The following PADI4 variants were observed in gnomAD, a reference collection of about 807,000 sequenced individuals.
PADI4 encodes the protein protein-arginine deiminase type-4.
In PADI4, 62 loss-of-function variants were observed where a neutral mutation model predicts 75.0. That is an observed-to-expected ratio of 0.83 (90% CI 0.67 to 1.02). The LOEUF is 1.02. PADI4 is among the 50% of genes least tolerant of loss of function. The pLI is 0.00. For missense variants in PADI4, 845 were observed against 850.5 expected (o/e 0.99, Z 0.08); for synonymous variants, 361 against 348.1 (o/e 1.04, Z -0.41).
At chr1:17,355,899 AC>A in intron 11 of PADI4, 83 bp from the exon 12 acceptor site, 2 of 1,415,856 alleles carry the variant, frequency 1.4e-6, no homozygotes, top group Non-Finnish European at 2.0e-6. Flanking sequence ...GAGAACCCTG[AC>A]CTTTTTGCCA....
Position 17,337,925 on chromosome 1 carries a change from A to G in PADI4, c.409-113A>G. ...GGAGACTCCGTCTCAAAAAAATAAT[A>G]AATAAATAAATAAATTTTAAAAAAG... On this transcript the variant is annotated intron_variant, in intron 4 of 15. Coordinates refer to ENST00000375448, the MANE Select transcript of PADI4 (RefSeq NM_012387.3). 3 of 440,920 alleles carry G rather than the reference A, an allele frequency of 6.8e-6. 1 individual carries two copies. In the South Asian group the frequency reaches 1.1e-4, roughly 17 times the overall value. 27.3% of individuals were successfully genotyped at this position (440,920 alleles called of 1,614,324 possible). A position where few individuals can be genotyped will look rare whatever the true frequency, so the allele number is the denominator to read the frequency against.
At chr1:17,312,880 T>G (rs544992457) in intron 1 of PADI4, among the ~76,000 whole-genome samples, 2 of 151,760 alleles carry the variant, frequency 1.3e-5, no homozygotes, top group South Asian at 4.2e-4. Flanking sequence ...TTTTTAATCT[T>G]TGTAGCTATC....
At chr1:17,352,790 A>G (rs893512883) in intron 10 of PADI4, among the ~76,000 whole-genome samples, 7 of 152,182 alleles carry the variant, frequency 4.6e-5, no homozygotes, top group African/African-American at 1.4e-4. Flanking sequence ...CAACATCCAA[A>G]TGGGAAGTCA....
chr1:17,315,175 G>C (rs1017948091), intron 1 of PADI4, among the ~76,000 whole-genome samples: 10 of 152,164 alleles, frequency 6.6e-5, no homozygotes, highest in Non-Finnish European at 1.5e-5. Context: ...GGGAACCCCA[G>C]ATTTTCCACC....
chr1:17,363,587 C>T lies in PADI4; in HGVS notation c.1824C>T (p.Gly608=), dbSNP rs750826769. The T allele has an allele frequency of 6.2e-7, 1 of 1,614,132 alleles. No individual in the cohort carries two copies. The highest frequency in any genetic ancestry group is 8.5e-7 in the Non-Finnish European group (1 of 1,179,980). Residue 608 remains glycine (G), a synonymous_variant, in exon 16 of 16, where the codon GGC becomes GGT. Coordinates refer to ENST00000375448, the MANE Select transcript of PADI4 (RefSeq NM_012387.3). The part of the protein sequence containing the change: ...IPKPFGPVIN[G]RCCLEEKVCS... ...AGCCCTTCGGGCCCGTCATCAACGG[C>T]CGCTGCTGCCTGGAGGAGAAGGTGT... is the stretch of plus-strand genomic sequence containing the variant.
At chr1:17,348,743 C>CA (rs2074566237) in intron 10 of PADI4, 1 of 152,160 alleles carries the variant, frequency 6.6e-6, no homozygotes, top group African/African-American at 2.4e-5. Flanking sequence ...AACTGAGGCT[C>CA]AGAGTGGAGA....
chr1:17,351,737 T>C (rs1480898820), intron 10 of PADI4, among the ~76,000 whole-genome samples: 3 of 151,846 alleles, frequency 2.0e-5, no homozygotes, highest in Non-Finnish European at 2.9e-5. Context: ...AGTGGGTGTC[T>C]GGGTGAAGAG....
At chr1:17,317,573 T>C (rs531423230) in intron 1 of PADI4, among the ~76,000 whole-genome samples, 1 of 151,554 alleles carries the variant, frequency 6.6e-6, no homozygotes, top group South Asian at 2.1e-4. Flanking sequence ...CTGGCCATCA[T>C]AATGCTTTAT....
Position 17,356,141 on chromosome 1 carries a change from G to A in PADI4, c.1455+14G>A. 1 of 1,612,684 alleles carries A rather than the reference G, an allele frequency of 6.2e-7. No individual in the cohort carries two copies. The highest frequency in any genetic ancestry group is 8.5e-7 in the Non-Finnish European group (1 of 1,179,020). On this transcript the variant is annotated intron_variant, in intron 12 of 15. Coordinates refer to ENST00000375448, the MANE Select transcript of PADI4 (RefSeq NM_012387.3). This position sits in a 1 kb window ranked among gnomAD's most constrained non-coding sequence, Gnocchi z 4.1. ...CCCGACAGGAAGGTACAGTCTTGGGGGCTGCCTCAGGAAGCCATGCCTCCT... is the reference window on the plus strand; with the variant it reads ...CCCGACAGGAAGGTACAGTCTTGGGAGCTGCCTCAGGAAGCCATGCCTCCT...
intron 1 of PADI4, among the ~76,000 whole-genome samples, chr1:17,330,081 C>T (rs909112696): frequency 2.6e-5 from 4 of 152,198 alleles, no homozygotes; most frequent in Non-Finnish European, 2.9e-5. Context: ...CACAATCCTG[C>T]GTGTGCACAG....
chr1:17,354,430 G>GTGCCCA (rs1557579889), intron 10 of PADI4, 103 bp from the exon 11 acceptor site: 2 of 955,592 alleles, frequency 2.1e-6, no homozygotes, highest in Non-Finnish European at 3.4e-6. Context: ...AGACGGTACT[G>GTGCCCA]AGTTACTTCC....
At position 17,342,421 on chromosome 1, in the gene PADI4, C is replaced by G. The variant is rs2074439956; in HGVS notation, c.935+19C>G. On this transcript the variant is annotated intron_variant, in intron 8 of 15. Transcript: ENST00000375448. ...CGTGCAGGTGAGAGGTCCTGGGGTG[C>G]TGGGGTGGGTCCAGACAACAAAGAG... 6.7e-7 allele frequency: 1 copy of G among 1,485,636 alleles called. No individual in the cohort carries two copies. Among genetic ancestry groups the G allele is most frequent in the Admixed American group, 1.7e-5 (1 of 59,008 alleles). 92.0% of individuals were successfully genotyped at this position (1,485,636 alleles called of 1,614,324 possible).
rs963832409 is a variant in PADI4 at position 17,356,841 on chromosome 1, G to T, written c.1558+382G>T. 6.7e-6 allele frequency among the ~76,000 whole-genome samples: 1 copy of T among 149,402 alleles called. No individual in the cohort carries two copies. The highest frequency in any genetic ancestry group is 1.5e-5 in the Non-Finnish European group (1 of 67,026). ...CCACAGGCAGAGGGACGGGGGTGGG[G>T]CGGCTCAGAGGCAGGAGAAAGCACG... On this transcript the variant is annotated intron_variant, in intron 13 of 15. Coordinates refer to ENST00000375448, the MANE Select transcript of PADI4 (RefSeq NM_012387.3). The surrounding 1 kb of genome is among the most constrained non-coding windows in gnomAD (Gnocchi z 4.1).
chr1:17,357,990 G>A (rs866506965), intron 13 of PADI4, among the ~76,000 whole-genome samples: 4 of 151,274 alleles, frequency 2.6e-5, no homozygotes, highest in East Asian at 1.9e-4. Flanking sequence ...GCTCACACCT[G>A]TAATCCTAGC....
intron 5 of PADI4, 26 bp from the exon 6 acceptor site, chr1:17,339,662 C>T: frequency 6.2e-7 from 1 of 1,613,122 alleles, no homozygotes; most frequent in Non-Finnish European, 8.5e-7. Context: ...GGCCCTGTGA[C>T]TCAGGCAATG....
chr1:17,348,234 T>C (rs2074555198), intron 10 of PADI4, 186 bp downstream of exon 10: 1 of 488,276 alleles, frequency 2.0e-6, no homozygotes, highest in Admixed American at 3.4e-5. Context: ...AGATAAGATC[T>C]GGCTCTTCAT....
chr1:17,352,062 G>A (rs1464339794), intron 10 of PADI4, among the ~76,000 whole-genome samples: 3 of 133,088 alleles, frequency 2.3e-5, no homozygotes, highest in Admixed American at 7.6e-5. Context: ...GGAGGTGATG[G>A]GAGGTGGGAA....
intron 1 of PADI4, among the ~76,000 whole-genome samples, chr1:17,328,946 T>C (rs1329981352): frequency 6.6e-6 from 1 of 150,872 alleles, no homozygotes; most frequent in East Asian, 1.9e-4. Context: ...AAATCTGATT[T>C]TAAAATATCG....
chr1:17,360,707 A>C (rs1434821781), intron 15 of PADI4, among the ~76,000 whole-genome samples: 1 of 152,028 alleles, frequency 6.6e-6, no homozygotes, highest in African/African-American at 2.4e-5. Flanking sequence ...CAGGGGATGG[A>C]GGGATGGATA....
Sources: gnomAD v4.1 joint callset for allele counts (sites outside exome capture counted in the v4.1 genomes callset) on GRCh38, gnomAD v4.1.1 for gene constraint, Gnocchi (gnomAD v3.1) non-coding constraint, MANE v1.5 for transcripts, NCBI Gene and HGNC (gene_info 2026-07-23, HGNC 2026-07-21) for gene names.